Variants in GRM8 observed in about 807,000 individuals in gnomAD.
GRM8 encodes the protein metabotropic glutamate receptor 8.
Under a neutral mutation model 87.2 loss-of-function variants are expected in GRM8, and 47 were observed. That is an observed-to-expected ratio of 0.54 (90% confidence interval 0.43 to 0.69). The LOEUF is 0.69. Ranked by LOEUF, GRM8 falls within the 30% of genes least tolerant of loss-of-function variation. The pLI is 0.00. For synonymous variants in GRM8, 396 were observed against 404.5 expected (o/e 0.98, Z 0.25); for missense variants, 1,019 against 1,139.2 (o/e 0.89, Z 1.52).
intron 2 of GRM8, among the ~76,000 whole-genome samples, chr7:127,126,227 C>A (rs1480026611): frequency 2.0e-5 from 3 of 152,044 alleles, no homozygotes; most frequent in Admixed American, 2.0e-4. Context: ...ATGGATTCAA[C>A]TTAAGTGTCC....
chr7:126,700,918 A>G (rs1470452768), intron 7 of GRM8, among the ~76,000 whole-genome samples: 1 of 152,130 alleles, frequency 6.6e-6, no homozygotes, highest in Non-Finnish European at 1.5e-5. Context: ...GATAAAGAAC[A>G]GTAAATTTGT....
chr7:126,520,962 CATGGGGAAA>C (rs1438980952), intron 9 of GRM8, among the ~76,000 whole-genome samples: 5 of 152,040 alleles, frequency 3.3e-5, no homozygotes, highest in Non-Finnish European at 7.4e-5. Flanking sequence ...GACATTTTAG[CATGGGGAAA>C]ATGTTTTGTT....
intron 5 of GRM8, among the ~76,000 whole-genome samples, chr7:126,903,761 A>ATATG (rs1294260936): frequency 9.5e-5 from 9 of 94,526 alleles, no homozygotes; most frequent in African/African-American, 3.7e-4. Context: ...ATGTGTATAT[A>ATATG]TATATGTGTG....
At chr7:127,241,751 A>G (rs1035906102) in intron 2 of GRM8, among the ~76,000 whole-genome samples, 19 of 152,282 alleles carry the variant, frequency 1.2e-4, no homozygotes, top group Admixed American at 1.2e-3. Flanking sequence ...CATTTTTCAC[A>G]ATATAAAACA....
intron 8 of GRM8, among the ~76,000 whole-genome samples, chr7:126,550,475 A>G (rs893187819): frequency 2.3e-4 from 35 of 152,176 alleles, no homozygotes; most frequent in Admixed American, 2.2e-3. Flanking sequence ...TTTAAAGAAA[A>G]CTTTGTTTAG....
intron 7 of GRM8, among the ~76,000 whole-genome samples, chr7:126,686,908 C>T (rs1459416801): frequency 6.6e-6 from 1 of 152,262 alleles, no homozygotes; most frequent in Non-Finnish European, 1.5e-5. Context: ...ATGTGAAAAA[C>T]CAGCCCAGGA....
intron 7 of GRM8, among the ~76,000 whole-genome samples, chr7:126,632,417 C>T (rs60541857): frequency 0.13 from 19,657 of 152,080 alleles, 1,668 homozygotes; most frequent in Non-Finnish European, 0.17. Context: ...AACAGGAACA[C>T]TTTTACACTG....
At chr7:127,166,533 A>G (rs1412700441) in intron 2 of GRM8, among the ~76,000 whole-genome samples, 1 of 152,196 alleles carries the variant, frequency 6.6e-6, no homozygotes, top group Non-Finnish European at 1.5e-5. Context: ...GGATGGAGCC[A>G]TCAACCAAAG....
At chr7:127,166,093 C>T (rs1793436071) in intron 2 of GRM8, among the ~76,000 whole-genome samples, 1 of 152,162 alleles carries the variant, frequency 6.6e-6, no homozygotes. Context: ...AAATCATCAC[C>T]AATGACTCCT....
chr7:126,859,285 C>T lies in GRM8; in HGVS notation c.1156+43257G>A, dbSNP rs749786244. 7.2e-5 allele frequency among the ~76,000 whole-genome samples: 11 copies of T among 152,126 alleles called. 1 individual carries two copies. Among genetic ancestry groups the T allele is most frequent in the Non-Finnish European group, 1.3e-4 (9 of 68,036 alleles). On this transcript the variant is annotated intron_variant, in intron 6 of 10. Transcript: ENST00000339582. Reference sequence around the variant, plus strand: ...CGTGAATAGATAAAAGTTGGGCTTGCCCCTACTAAATTTGACAAAGTGAAG... The same window carrying T: ...CGTGAATAGATAAAAGTTGGGCTTGTCCCTACTAAATTTGACAAAGTGAAG...
At chr7:126,784,421 C>G (rs924473151) in intron 6 of GRM8, among the ~76,000 whole-genome samples, 1 of 152,176 alleles carries the variant, frequency 6.6e-6, no homozygotes, top group Admixed American at 6.5e-5. Flanking sequence ...AAATTTAGAA[C>G]CAATGTGAAA....
intron 3 of GRM8, among the ~76,000 whole-genome samples, chr7:127,074,202 T>A (rs912128254): frequency 7.9e-5 from 12 of 152,242 alleles, no homozygotes; most frequent in African/African-American, 2.2e-4. Flanking sequence ...AATAGTATTC[T>A]GTTGATTATA....
At chr7:126,568,693 T>A (rs1585079292) in intron 8 of GRM8, among the ~76,000 whole-genome samples, 1 of 152,142 alleles carries the variant, frequency 6.6e-6, no homozygotes, top group African/African-American at 2.4e-5. Context: ...AATGACCACA[T>A]TAAAGTTTAA....
chr7:127,158,371 G>A (rs1792870100), intron 2 of GRM8, among the ~76,000 whole-genome samples: 1 of 152,168 alleles, frequency 6.6e-6, no homozygotes, highest in African/African-American at 2.4e-5. Flanking sequence ...TGTCAGTGGA[G>A]ACAGAAAAAA....
Position 126,514,972 on chromosome 7 carries a change from C to A in GRM8, c.2430+17980G>T, listed in dbSNP as rs139018643. Reference sequence around the variant, plus strand: ...TACACTTACTAAATTATTATAATTACATATTGCAATCCTTATAATCTATTT... The same window carrying A: ...TACACTTACTAAATTATTATAATTAAATATTGCAATCCTTATAATCTATTT... On this transcript the variant is annotated intron_variant, in intron 9 of 10. Transcript: ENST00000339582. Among the ~76,000 whole-genome samples the A allele has an allele frequency of 5.1e-3, 776 of 152,036 alleles. 9 individuals are homozygous for A. The highest frequency in any genetic ancestry group is 0.018 in the African/African-American group (749 of 41,512).
chr7:126,965,566 AAAGTT>A (rs1178779328), intron 3 of GRM8, among the ~76,000 whole-genome samples: 1 of 152,150 alleles, frequency 6.6e-6, no homozygotes, highest in Non-Finnish European at 1.5e-5. Context: ...TTAGTATAAT[AAAGTT>A]ATTTTATTTG....
At chr7:127,055,995 GTTA>G (rs1399982446) in intron 3 of GRM8, among the ~76,000 whole-genome samples, 1 of 152,134 alleles carries the variant, frequency 6.6e-6, no homozygotes, top group Non-Finnish European at 1.5e-5. Context: ...TGACTGAACA[GTTA>G]TAAGTCCTTG....
intron 9 of GRM8, among the ~76,000 whole-genome samples, chr7:126,477,260 T>C (rs1026020955): frequency 1.3e-5 from 2 of 151,990 alleles, no homozygotes; most frequent in African/African-American, 4.8e-5. Flanking sequence ...TGGGGTAATG[T>C]TGGTCAAAGC....
At chr7:127,046,058 T>C (rs1446070588) in intron 3 of GRM8, among the ~76,000 whole-genome samples, 1 of 152,136 alleles carries the variant, frequency 6.6e-6, no homozygotes. Flanking sequence ...ATTTCAGACT[T>C]TTCTCTCAAT....
Sources: allele counts gnomAD v4.1 joint callset (sites outside exome capture counted in the v4.1 genomes callset), GRCh38; gene constraint gnomAD v4.1.1; transcripts MANE v1.5; gene names NCBI Gene and HGNC (gene_info 2026-07-23, HGNC 2026-07-21).